Variants in SYNE1 observed in about 807,000 individuals in gnomAD.
The protein encoded by SYNE1 is nesprin-1.
SYNE1 carries 616 observed loss-of-function variants against 1,111.0 expected under a neutral mutation model. The ratio of observed to expected loss-of-function variants is 0.55; its 90% CI spans 0.52 to 0.59. The LOEUF is 0.59. Ranked by LOEUF, SYNE1 falls within the 20% of genes least tolerant of loss-of-function variation. The pLI, the probability that SYNE1 is intolerant of heterozygous loss-of-function variation, is 0.00. For synonymous variants in SYNE1, 3,855 were observed against 3,825.8 expected (o/e 1.01, Z -0.28); for missense variants, 10,006 against 10,417.0 (o/e 0.96, Z 1.72).
chr6:152,497,168 C>T (rs1043108983), intron 11 of SYNE1, among the ~76,000 whole-genome samples: 4 of 152,172 alleles, frequency 2.6e-5, no homozygotes, highest in African/African-American at 9.7e-5. Context: ...ACACGTTTGA[C>T]ACTCCTTATG....
intron 137 of SYNE1, chr6:152,146,383 T>C (rs1236747649): frequency 6.6e-6 from 1 of 152,190 alleles, no homozygotes. Context: ...TTATAACATG[T>C]AATCAATATA....
intron 56 of SYNE1, among the ~76,000 whole-genome samples, chr6:152,377,942 G>C (rs1396027267): frequency 6.6e-6 from 1 of 151,958 alleles, no homozygotes; most frequent in Non-Finnish European, 1.5e-5. Flanking sequence ...CACATGAATA[G>C]CTACATTACT....
intron 56 of SYNE1, among the ~76,000 whole-genome samples, chr6:152,377,630 AAAAAAAAAAAATAT>A (rs1563518220): frequency 3.1e-5 from 3 of 97,560 alleles, no homozygotes; most frequent in African/African-American, 1.5e-4. Context: ...AAAAAAAAAA[AAAAAAAAAAAATAT>A]ATATATATAT....
At position 152,148,537 on chromosome 6, in the gene SYNE1, G is replaced by A. The variant is rs556199408; in HGVS notation, c.24643-159C>T. On this transcript the variant is annotated intron_variant, in intron 136 of 145. Coordinates refer to ENST00000367255, the MANE Select transcript of SYNE1 (RefSeq NM_182961.4). This position sits in a 1 kb window ranked among gnomAD's most constrained non-coding sequence, Gnocchi z 4.1. ...ATACAGGGGACAGTGCTGCTCTAGA[G>A]TTTGACTGTCTGGGTTGAAATCTCA... Among the ~76,000 whole-genome samples the A allele has an allele frequency of 6.6e-6, 1 of 152,298 alleles. No individual in the cohort carries two copies. Among genetic ancestry groups the A allele is most frequent in the South Asian group, 2.1e-4 (1 of 4,828 alleles).
At chr6:152,328,291 T>C (rs781444912) in intron 78 of SYNE1, among the ~76,000 whole-genome samples, 1 of 152,124 alleles carries the variant, frequency 6.6e-6, no homozygotes, top group Non-Finnish European at 1.5e-5. Context: ...TCTCCTAGAA[T>C]CACAGGGACT....
chr6:152,517,600 A>T (rs2154345233), intron 6 of SYNE1, among the ~76,000 whole-genome samples: 1 of 152,310 alleles, frequency 6.6e-6, no homozygotes, highest in Non-Finnish European at 1.5e-5. Context: ...TTCATAAGAG[A>T]GTGGTTGAAT....
intron 127 of SYNE1, among the ~76,000 whole-genome samples, chr6:152,190,658 T>C (rs1001956691): frequency 6.6e-6 from 1 of 152,220 alleles, no homozygotes; most frequent in African/African-American, 2.4e-5. Context: ...TGTTGTTCTA[T>C]CAAATACTTT....
At chr6:152,126,299 G>A (rs913840477) in intron 145 of SYNE1, 4 of 152,152 alleles carry the variant, frequency 2.6e-5, no homozygotes, top group African/African-American at 9.7e-5. Flanking sequence ...TCATCTTCAG[G>A]GGGAACTTGT....
intron 55 of SYNE1, among the ~76,000 whole-genome samples, chr6:152,383,465 T>C (rs899259419): frequency 1.3e-5 from 2 of 152,200 alleles, no homozygotes; most frequent in African/African-American, 4.8e-5. Flanking sequence ...TCAAACCTAG[T>C]TGGGATTCTT....
chr6:152,122,365 G>C lies in SYNE1; in HGVS notation c.*71C>G. 6.2e-7 allele frequency: 1 copy of C among 1,611,888 alleles called. No individual in the cohort carries two copies. Among genetic ancestry groups the C allele is most frequent in the African/African-American group, 1.3e-5 (1 of 75,016 alleles). On this transcript the variant is annotated 3_prime_UTR_variant, in exon 146 of 146. Coordinates refer to ENST00000367255, the MANE Select transcript of SYNE1 (RefSeq NM_182961.4). ...CGCCAAGATCAAGGTCCTCTTGTTG[G>C]TAGTTTGGGATTGCTTATGACCCGA...
chr6:152,159,994 T>G (rs547424906), intron 131 of SYNE1, among the ~76,000 whole-genome samples: 45 of 152,218 alleles, frequency 3.0e-4, no homozygotes, highest in African/African-American at 9.9e-4. Context: ...AGGAACAAAA[T>G]ATACTATGGT....
At chr6:152,604,997 AAAGAAAGAAAG>A (rs2099608673) in intron 3 of SYNE1, among the ~76,000 whole-genome samples, 1 of 27,978 alleles carries the variant, frequency 3.6e-5, no homozygotes, top group Non-Finnish European at 6.4e-5. Flanking sequence ...AGAAAGAAAG[AAAGAAAGAAAG>A]AGAGAGAGAG....
intron 128 of SYNE1, 118 bp downstream of exon 128, chr6:152,189,134 C>T: frequency 1.9e-6 from 2 of 1,054,016 alleles, no homozygotes; most frequent in Non-Finnish European, 2.9e-6. Flanking sequence ...AGTGTTCTTC[C>T]TTTGTCCGTA....
chr6:152,136,004 C>T (rs972912044), intron 141 of SYNE1, among the ~76,000 whole-genome samples: 1 of 152,194 alleles, frequency 6.6e-6, no homozygotes, highest in Non-Finnish European at 1.5e-5. Flanking sequence ...TATTATATTA[C>T]CTTCATAGCA....
chr6:152,225,382 G>C (rs1414056924), intron 116 of SYNE1, among the ~76,000 whole-genome samples: 3 of 151,686 alleles, frequency 2.0e-5, no homozygotes, highest in Admixed American at 6.6e-5. Context: ...ATTTATCTCT[G>C]TCAGAAAAGT....
chr6:152,547,048 G>A (rs932361481), intron 3 of SYNE1: 1 of 152,228 alleles, frequency 6.6e-6, no homozygotes, highest in African/African-American at 2.4e-5. Flanking sequence ...ATACATGAGT[G>A]AGCCGCCCTG....
At chr6:152,402,928 T>C (rs1476253265) in intron 46 of SYNE1, among the ~76,000 whole-genome samples, 1 of 152,166 alleles carries the variant, frequency 6.6e-6, no homozygotes, top group Admixed American at 6.5e-5. Flanking sequence ...CTTTTTTGCA[T>C]ATGGATAGCA....
chr6:152,479,541 T>A (rs1201611550), intron 14 of SYNE1, among the ~76,000 whole-genome samples: 1 of 152,174 alleles, frequency 6.6e-6, no homozygotes, highest in Non-Finnish European at 1.5e-5. Context: ...CTATGTGACC[T>A]TGGGCAAGTC....
intron 3 of SYNE1, among the ~76,000 whole-genome samples, chr6:152,569,026 A>G (rs572548310): frequency 6.6e-6 from 1 of 152,332 alleles, no homozygotes; most frequent in Admixed American, 6.5e-5. Context: ...AGATTAAGTA[A>G]CATTAATGAA....
Sources: gnomAD v4.1 joint callset for allele counts (sites outside exome capture counted in the v4.1 genomes callset) on GRCh38, gnomAD v4.1.1 for gene constraint, Gnocchi (gnomAD v3.1) non-coding constraint, MANE v1.5 for transcripts, NCBI Gene and HGNC (gene_info 2026-07-23, HGNC 2026-07-21) for gene names.